The following TUBB8B variants were observed in gnomAD, a reference collection of about 807,000 sequenced individuals.
TUBB8B encodes HSA18p11 beta-tubulin 4Q pseudogene.
A neutral mutation model predicts 31.9 loss-of-function variants in TUBB8B; 26 were observed. The observed-to-expected ratio is 0.81, with a 90% CI of 0.60 to 1.13. The LOEUF is 1.13. Ranked by LOEUF, TUBB8B falls within the 50% of genes most tolerant of loss-of-function variation. The pLI is 0.00. For synonymous variants in TUBB8B, 173 were observed against 231.0 expected (o/e 0.75, Z 2.28); for missense variants, 467 against 586.7 (o/e 0.80, Z 2.11).
chr18:56,565 T>G, the TUBB8B span, among the ~76,000 whole-genome samples: 1 of 151,942 alleles, frequency 6.6e-6, no homozygotes, highest in Non-Finnish European at 1.5e-5. Context: ...ACACATTTTG[T>G]TTTATTTGTG....
chr18:49,311 C>T (rs532904423), intron 1 of TUBB8B, 74 bp from the exon 2 acceptor site: 75 of 1,330,704 alleles, frequency 5.6e-5, no homozygotes, highest in East Asian at 7.8e-5. Context: ...CCCACCCCCA[C>T]CCGCACCCCC....
chr18:48,772 C>A, intron 3 of TUBB8B, 168 bp downstream of exon 3: 1 of 713,592 alleles, frequency 1.4e-6, no homozygotes, highest in Non-Finnish European at 2.5e-6. Context: ...ACACCGGGGC[C>A]TTCCTCCCGA....
At chr18:71,807 C>A in the TUBB8B span, among the ~76,000 whole-genome samples, 1 of 151,914 alleles carries the variant, frequency 6.6e-6, no homozygotes, top group African/African-American at 2.4e-5. Flanking sequence ...TGCCTGAACC[C>A]GGGAGGCGGA....
At chr18:55,017 T>G in the TUBB8B span, among the ~76,000 whole-genome samples, 3 of 152,048 alleles carry the variant, frequency 2.0e-5, no homozygotes, top group African/African-American at 7.2e-5. Context: ...TGATTATATT[T>G]TTTTCTATAG....
the TUBB8B span, among the ~76,000 whole-genome samples, chr18:72,269 G>A: frequency 1.3e-5 from 2 of 150,336 alleles, no homozygotes; most frequent in African/African-American, 2.4e-5. Flanking sequence ...TAACCTTAAC[G>A]AAATCTGATT....
the TUBB8B span, among the ~76,000 whole-genome samples, chr18:63,618 T>A: frequency 1.3e-5 from 2 of 151,380 alleles, no homozygotes; most frequent in African/African-American, 4.9e-5. Flanking sequence ...TTAAAAGCCC[T>A]AGCCCTAGCC....
chr18:60,905 C>G, the TUBB8B span, among the ~76,000 whole-genome samples: 6 of 151,584 alleles, frequency 4.0e-5, 1 homozygote, highest in Non-Finnish European at 8.8e-5. Context: ...AACCCATGTG[C>G]AGAGAAGAAC....
chr18:49,689 A>G (rs1905989783), upstream of TUBB8B: 1 of 703,400 alleles, frequency 1.4e-6, no homozygotes, highest in Admixed American at 2.0e-5. Flanking sequence ...GGGCTCCCAG[A>G]ATAAGCAACA....
At position 49,034 on chromosome 18, in the gene TUBB8B, G is replaced by A. The variant is rs201493391; in HGVS notation, c.183C>T (p.Pro61=). Reference sequence around the variant, plus strand: ...GCTCCAGATCCACGAGCACAGCGCGGGGCACGTACCTGCCACCTGCGTGGG... The same window carrying A: ...GCTCCAGATCCACGAGCACAGCGCGAGGCACGTACCTGCCACCTGCGTGGG... The part of the protein sequence containing the change: ...HHEASGGRYV[P]RAVLVDLEPG... Residue 61 remains proline, a synonymous_variant, in exon 3 of 4, where the codon CCC becomes CCT. Coordinates refer to ENST00000308911, the MANE Select transcript of TUBB8B (RefSeq NM_001358689.2). 0.1 allele frequency: 159,725 copies of A among 1,595,350 alleles called. 10,722 individuals carry two copies. The highest frequency in any genetic ancestry group is 0.38 in the East Asian group (16,884 of 44,312).
chr18:49,669 G>A (rs1223138502), upstream of TUBB8B: 3 of 708,780 alleles, frequency 4.2e-6, no homozygotes, highest in African/African-American at 1.8e-5. Flanking sequence ...ACCTCCCTCA[G>A]CCTCCGATTG....
the TUBB8B span, among the ~76,000 whole-genome samples, chr18:70,693 T>C: frequency 7.2e-5 from 11 of 152,002 alleles, no homozygotes; most frequent in African/African-American, 2.7e-4. Context: ...TTCACACCTG[T>C]AATCCCCAGC....
the TUBB8B span, among the ~76,000 whole-genome samples, chr18:60,268 A>G: frequency 1.3e-5 from 2 of 151,796 alleles, no homozygotes; most frequent in Admixed American, 6.6e-5. Flanking sequence ...TTGTTGGCAT[A>G]CAATTACTTA....
At chr18:60,924 T>C in the TUBB8B span, among the ~76,000 whole-genome samples, 12 of 151,796 alleles carry the variant, frequency 7.9e-5, no homozygotes, top group Admixed American at 3.3e-4. Flanking sequence ...ACAATGTGTA[T>C]TCTGCAGCTG....
At chr18:63,901 CT>C in the TUBB8B span, among the ~76,000 whole-genome samples, 4 of 151,016 alleles carry the variant, frequency 2.6e-5, no homozygotes, top group East Asian at 2.0e-4. Flanking sequence ...AACCCTACCC[CT>C]AACCCCAAAC....
chr18:54,077 CTCT>C (rs1906207452), upstream of TUBB8B, among the ~76,000 whole-genome samples: 1 of 151,566 alleles, frequency 6.6e-6, no homozygotes, highest in Non-Finnish European at 1.5e-5. Context: ...ATTAAAAATT[CTCT>C]TTTTTCCACT....
the TUBB8B span, among the ~76,000 whole-genome samples, chr18:62,732 A>C: frequency 6.4e-3 from 975 of 151,868 alleles, 14 homozygotes; most frequent in African/African-American, 0.021. Flanking sequence ...ATAAATGTTT[A>C]GCTCTTATCT....
At chr18:70,887 C>T in the TUBB8B span, among the ~76,000 whole-genome samples, 1 of 149,338 alleles carries the variant, frequency 6.7e-6, no homozygotes, top group Non-Finnish European at 1.5e-5. Flanking sequence ...TGCAGTGAGC[C>T]GAGATCTCAC....
At chr18:56,353 G>A in the TUBB8B span, among the ~76,000 whole-genome samples, 1 of 151,670 alleles carries the variant, frequency 6.6e-6, no homozygotes, top group Non-Finnish European at 1.5e-5. Flanking sequence ...CTATTTCTGT[G>A]AGGAATGTCA....
At chr18:70,671 C>T in the TUBB8B span, among the ~76,000 whole-genome samples, 171 of 152,002 alleles carry the variant, frequency 1.1e-3, no homozygotes, top group Admixed American at 2.5e-3. Context: ...ACTGCAGGGC[C>T]GGGCGCAGTA....
Sources: gnomAD v4.1 joint callset for allele counts (sites outside exome capture counted in the v4.1 genomes callset) on GRCh38, gnomAD v4.1.1 for gene constraint, MANE v1.5 for transcripts, NCBI Gene and HGNC (gene_info 2026-07-23, HGNC 2026-07-21) for gene names.